Variants in MIR2052HG observed in about 807,000 individuals in gnomAD.
The protein encoded by MIR2052HG is MIR2052 host gene.
At chr8:74,691,159 A>G (rs901413135) in intron 2 of MIR2052HG, among the ~76,000 whole-genome samples, 1 of 152,344 alleles carries the variant, frequency 6.6e-6, no homozygotes. Context: ...TTAATTCTGA[A>G]CAAAGTGATT....
intron 4 of MIR2052HG, among the ~76,000 whole-genome samples, chr8:74,733,365 A>T (rs1026611359): frequency 6.6e-6 from 1 of 152,144 alleles, no homozygotes; most frequent in African/African-American, 2.4e-5. Context: ...GTTTACTGAG[A>T]ATGATGATTT....
chr8:74,730,170 T>A (rs1330304787), intron 4 of MIR2052HG, among the ~76,000 whole-genome samples: 1 of 152,138 alleles, frequency 6.6e-6, no homozygotes, highest in Non-Finnish European at 1.5e-5. Context: ...GATAAGGTTG[T>A]AGTCCCAAAC....
At chr8:74,717,218 T>A (rs551477806) in intron 4 of MIR2052HG, among the ~76,000 whole-genome samples, 4 of 152,030 alleles carry the variant, frequency 2.6e-5, no homozygotes, top group Non-Finnish European at 5.9e-5. Flanking sequence ...CATGTGTTCT[T>A]ATTGTTCACC....
chr8:74,696,407 C>T (rs541378247), intron 2 of MIR2052HG, among the ~76,000 whole-genome samples: 7 of 151,948 alleles, frequency 4.6e-5, no homozygotes, highest in South Asian at 4.2e-4. Flanking sequence ...GGTCACACCT[C>T]GAGGAGCTAG....
chr8:74,600,108 C>T (rs1443558848), intron 1 of MIR2052HG, among the ~76,000 whole-genome samples: 2 of 152,170 alleles, frequency 1.3e-5, no homozygotes, highest in East Asian at 1.9e-4. Context: ...TGCACAGCCA[C>T]TGACCTTCGC....
chr8:74,601,626 T>C (rs6994174), intron 1 of MIR2052HG, among the ~76,000 whole-genome samples: 1,717 of 152,358 alleles, frequency 0.011, 36 homozygotes, highest in African/African-American at 0.039. Context: ...ATTCCTAATA[T>C]GTGTACAAAA....
At chr8:74,664,259 C>G (rs982150274) in intron 2 of MIR2052HG, among the ~76,000 whole-genome samples, 1 of 151,332 alleles carries the variant, frequency 6.6e-6, no homozygotes, top group Non-Finnish European at 1.5e-5. Flanking sequence ...TGCATGTACC[C>G]CAAAAGGGAT....
At position 74,714,698 on chromosome 8, in the gene MIR2052HG, C is replaced by CTTTTTTTTTTT. The variant is rs10715580; in HGVS notation, n.371+11025_371+11035dup. 1.1e-4 allele frequency among the ~76,000 whole-genome samples: 14 copies of CTTTTTTTTTTT among 124,446 alleles called. 1 individual carries two copies. The highest frequency in any genetic ancestry group is 2.6e-4 in the Admixed American group (3 of 11,696). 81.6% of individuals were successfully genotyped at this position (124,446 alleles called of 152,430 possible). A position where few individuals can be genotyped will look rare whatever the true frequency, so the allele number is the denominator to read the frequency against. ...TCTTTGGGAGACCTCCTTTTTCCTTCTTTTTTTTTTTTTTTTTTTGTTTTT... is the reference window on the plus strand; with the variant it reads ...TCTTTGGGAGACCTCCTTTTTCCTTCTTTTTTTTTTTTTTTTTTTTTTTTTTTTTTGTTTTT... On this transcript the variant is annotated intron_variant and non_coding_transcript_variant, in intron 4 of 6. Coordinates refer to ENST00000523442, the Ensembl canonical transcript of MIR2052HG.
At chr8:74,687,269 T>G (rs1809192132) in intron 2 of MIR2052HG, among the ~76,000 whole-genome samples, 1 of 152,130 alleles carries the variant, frequency 6.6e-6, no homozygotes, top group African/African-American at 2.4e-5. Flanking sequence ...GTCTAGCAGT[T>G]ATGGAAAACA....
intron 2 of MIR2052HG, among the ~76,000 whole-genome samples, chr8:74,672,788 A>G (rs1809007081): frequency 6.6e-6 from 1 of 152,120 alleles, no homozygotes; most frequent in African/African-American, 2.4e-5. Flanking sequence ...TATCTGCTGA[A>G]TTCTGCTGAT....
At chr8:74,732,892 T>C (rs999353508) in intron 4 of MIR2052HG, among the ~76,000 whole-genome samples, 29 of 152,056 alleles carry the variant, frequency 1.9e-4, no homozygotes, top group African/African-American at 7.0e-4. Flanking sequence ...GGCTGACTTG[T>C]AGGCTTGGGT....
intron 2 of MIR2052HG, among the ~76,000 whole-genome samples, chr8:74,658,041 T>C (rs1286510183): frequency 6.6e-6 from 1 of 152,232 alleles, no homozygotes; most frequent in Non-Finnish European, 1.5e-5. Context: ...TGTTATTTCC[T>C]GAACATACTA....
intron 1 of MIR2052HG, among the ~76,000 whole-genome samples, chr8:74,600,722 C>G (rs1253759094): frequency 6.6e-6 from 1 of 151,942 alleles, no homozygotes; most frequent in Admixed American, 6.6e-5. Context: ...ATTACAAGTG[C>G]GTGCCACCAT....
intron 4 of MIR2052HG, among the ~76,000 whole-genome samples, chr8:74,749,726 G>A (rs1296738114): frequency 1.3e-5 from 2 of 151,526 alleles, no homozygotes; most frequent in Non-Finnish European, 2.9e-5. Flanking sequence ...TCGGGTGCCT[G>A]TAATCCCAGC....
intron 4 of MIR2052HG, among the ~76,000 whole-genome samples, chr8:74,704,667 A>G (rs1809391668): frequency 6.6e-6 from 1 of 152,038 alleles, no homozygotes; most frequent in Non-Finnish European, 1.5e-5. Context: ...GCTGTCACTC[A>G]GCTACCTCAG....
Position 74,650,901 on chromosome 8 carries a change from T to G in MIR2052HG, n.216+37961T>G, listed in dbSNP as rs75591365. On this transcript the variant is annotated intron_variant and non_coding_transcript_variant, in intron 2 of 6. Transcript: ENST00000523442. The stretch of plus-strand genomic sequence containing the variant: ...TTATTGAACTGAAATATTTTTCTTT[T>G]CATAAAGTGAAATATTAAAGTGTGT... Among the ~76,000 whole-genome samples the G allele has an allele frequency of 4.9e-4, 74 of 152,338 alleles. 1 individual carries two copies. In the East Asian group the frequency reaches 0.013, roughly 27 times the overall value.
chr8:74,745,495 G>C (rs1809874287), intron 4 of MIR2052HG, among the ~76,000 whole-genome samples: 1 of 152,070 alleles, frequency 6.6e-6, no homozygotes, highest in Non-Finnish European at 1.5e-5. Flanking sequence ...GAGGCCTGAT[G>C]AATCGATAGT....
chr8:74,607,220 G>A (rs1214402038), intron 1 of MIR2052HG, among the ~76,000 whole-genome samples: 1 of 152,000 alleles, frequency 6.6e-6, no homozygotes, highest in Non-Finnish European at 1.5e-5. Flanking sequence ...AAAAATAATA[G>A]TAGCTATAAG....
chr8:74,694,027 C>T (rs1406273700), intron 2 of MIR2052HG, among the ~76,000 whole-genome samples: 2 of 152,132 alleles, frequency 1.3e-5, no homozygotes, highest in Non-Finnish European at 2.9e-5. Context: ...CTGAAAGTGC[C>T]ACCTCCTAGC....
Sources: allele counts gnomAD v4.1 joint callset (sites outside exome capture counted in the v4.1 genomes callset), GRCh38; gene constraint gnomAD v4.1.1; transcripts MANE v1.5; gene names NCBI Gene and HGNC (gene_info 2026-07-23, HGNC 2026-07-21).